Variants in FHIT observed in about 807,000 individuals in gnomAD.
FHIT encodes fragile histidine triad diadenosine triphosphatase.
Under a neutral mutation model 17.9 loss-of-function variants are expected in FHIT, and 19 were observed. The ratio of observed to expected loss-of-function variants is 1.06; its 90% CI spans 0.74 to 1.56. FHIT has a LOEUF of 1.56. FHIT is among the 40% of genes most tolerant of loss of function. The probability of loss-of-function intolerance (pLI) is 0.00; values close to 1 mark genes in which losing one functional copy is unlikely to be tolerated. For synonymous variants in FHIT, 81 were observed against 69.7 expected, an observed-to-expected ratio of 1.16 and a Z score of -0.81; for missense variants, 248 against 189.2, an observed-to-expected ratio of 1.31 and a Z score of -1.82.
intron 5 of FHIT, among the ~76,000 whole-genome samples, chr3:60,054,634 C>A (rs188381230): frequency 6.6e-6 from 1 of 152,220 alleles, no homozygotes; most frequent in Admixed American, 6.5e-5. Context: ...AACACTTCTG[C>A]CTGATCTGCT....
intron 8 of FHIT, among the ~76,000 whole-genome samples, chr3:59,890,399 GA>G (rs1422114245): frequency 2.0e-5 from 3 of 152,134 alleles, no homozygotes; most frequent in Admixed American, 1.3e-4. Flanking sequence ...CACTGGAAAA[GA>G]AAAGGGCTGC....
At chr3:61,000,866 T>C (rs1272556188) in intron 3 of FHIT, among the ~76,000 whole-genome samples, 1 of 152,072 alleles carries the variant, frequency 6.6e-6, no homozygotes. Flanking sequence ...ACTCTACCAC[T>C]AGGGCAGCGA....
intron 5 of FHIT, among the ~76,000 whole-genome samples, chr3:60,270,621 A>ACCC (rs1706813515): frequency 6.6e-6 from 1 of 152,214 alleles, no homozygotes; most frequent in African/African-American, 2.4e-5. Context: ...CCCCTATTAA[A>ACCC]AGCCAAATGG....
rs142413930 is a variant in FHIT, at chr3:60,895,889, C to G, written c.-110-73878G>C. Among the ~76,000 whole-genome samples, 22 of 151,574 alleles carry G rather than the reference C, an allele frequency of 1.5e-4. No homozygotes were observed. The East Asian group carries it at 4.1e-3, about 28-fold the overall frequency. On this transcript the variant is annotated intron_variant, in intron 3 of 9. Coordinates refer to ENST00000492590, the MANE Select transcript of FHIT (RefSeq NM_002012.4). ...CCAGGCTTTTCTTGTCCTTTCCCTG[C>G]TCTGAAACTGCAATTAGTCATTGCT...
chr3:59,758,846 G>A (rs1056447510), intron 8 of FHIT, among the ~76,000 whole-genome samples: 26 of 152,124 alleles, frequency 1.7e-4, no homozygotes, highest in African/African-American at 6.3e-4. Context: ...TACAACTGAG[G>A]TGGGAAAGGG....
chr3:60,094,994 A>AT (rs1703883089), intron 5 of FHIT, among the ~76,000 whole-genome samples: 1 of 152,204 alleles, frequency 6.6e-6, no homozygotes, highest in Non-Finnish European at 1.5e-5. Flanking sequence ...GCAGGGAATT[A>AT]TTTTTTAATA....
rs1314318254 is a variant in FHIT at position 60,821,433 on chromosome 3, C to T, written c.-18+486G>A. Among the ~76,000 whole-genome samples the T allele has an allele frequency of 3.3e-5, 5 of 152,330 alleles. No homozygotes were observed. In the East Asian group the frequency reaches 9.7e-4, roughly 29 times the overall value. ...TCTGACCATGAACAGTACCATGCCACTGAAGGAGATCTGTTTCAACAGAGC... is the reference window on the plus strand; with the variant it reads ...TCTGACCATGAACAGTACCATGCCATTGAAGGAGATCTGTTTCAACAGAGC... On this transcript the variant is annotated intron_variant, in intron 4 of 9. Coordinates refer to ENST00000492590, the MANE Select transcript of FHIT (RefSeq NM_002012.4).
intron 5 of FHIT, among the ~76,000 whole-genome samples, chr3:60,240,759 T>C (rs1413897207): frequency 6.6e-6 from 1 of 152,138 alleles, no homozygotes; most frequent in Non-Finnish European, 1.5e-5. Context: ...CCTCAACAGC[T>C]GGCAGATAGC....
At chr3:60,889,809 T>A (rs1705419880) in intron 3 of FHIT, among the ~76,000 whole-genome samples, 2 of 152,196 alleles carry the variant, frequency 1.3e-5, no homozygotes, top group African/African-American at 4.8e-5. Context: ...TGGGTTAATA[T>A]GATTCAATTT....
At chr3:60,929,172 T>C (rs529988142) in intron 3 of FHIT, among the ~76,000 whole-genome samples, 1 of 152,324 alleles carries the variant, frequency 6.6e-6, no homozygotes, top group East Asian at 1.9e-4. Flanking sequence ...CCCTTCATGC[T>C]AAAAACTCTC....
intron 5 of FHIT, among the ~76,000 whole-genome samples, chr3:60,215,283 A>T (rs779175445): frequency 6.6e-6 from 1 of 152,148 alleles, no homozygotes; most frequent in African/African-American, 2.4e-5. Context: ...TGAGGTCAGG[A>T]CTTCGAGACC....
At chr3:60,346,396 C>G (rs955422997) in intron 5 of FHIT, among the ~76,000 whole-genome samples, 2 of 152,160 alleles carry the variant, frequency 1.3e-5, no homozygotes, top group African/African-American at 2.4e-5. Flanking sequence ...AATGACAGCT[C>G]TTGTCAACTG....
chr3:60,800,528 G>T (rs1219714808), intron 4 of FHIT, among the ~76,000 whole-genome samples: 3 of 152,152 alleles, frequency 2.0e-5, no homozygotes, highest in Non-Finnish European at 4.4e-5. Context: ...TTTGGGAAAA[G>T]AACCCTAGAT....
At chr3:60,425,850 A>G (rs1702643506) in intron 5 of FHIT, among the ~76,000 whole-genome samples, 1 of 152,092 alleles carries the variant, frequency 6.6e-6, no homozygotes, top group South Asian at 2.1e-4. Context: ...AATCAAATCA[A>G]TATATATTTA....
intron 1 of FHIT, among the ~76,000 whole-genome samples, chr3:61,214,775 C>T (rs1448822227): frequency 3.3e-5 from 5 of 152,242 alleles, no homozygotes; most frequent in South Asian, 4.2e-4. Flanking sequence ...ACTGGCAAAC[C>T]GAATCCAGCA....
intron 3 of FHIT, among the ~76,000 whole-genome samples, chr3:61,032,079 G>A (rs751107438): frequency 1.2e-4 from 18 of 152,176 alleles, no homozygotes; most frequent in East Asian, 3.9e-4. Context: ...TATTACCAAC[G>A]TCAGTGATTG....
Position 60,458,052 on chromosome 3 carries a change from A to T in FHIT, c.103+78808T>A, listed in dbSNP as rs567270947. ...GTTCCTCAGGGATCCAGAACTAGAA[A>T]TACCATTTGACCCAGCCATCCCATT... On this transcript the variant is annotated intron_variant, in intron 5 of 9. Transcript: ENST00000492590. Among the ~76,000 whole-genome samples, 727 of 152,298 alleles carry T rather than the reference A, an allele frequency of 4.8e-3. 7 individuals are homozygous for T. Among genetic ancestry groups the T allele is most frequent in the African/African-American group, 0.017 (696 of 41,574 alleles).
chr3:60,013,673 T>G (rs1189298316), intron 6 of FHIT, among the ~76,000 whole-genome samples: 1 of 152,158 alleles, frequency 6.6e-6, no homozygotes, highest in Non-Finnish European at 1.5e-5. Context: ...GTCTATGCAG[T>G]GCTCAAAAAT....
At chr3:60,451,149 T>C (rs531923947) in intron 5 of FHIT, among the ~76,000 whole-genome samples, 29 of 144,130 alleles carry the variant, frequency 2.0e-4, no homozygotes, top group African/African-American at 7.3e-4. Flanking sequence ...CTTGAAAAAA[T>C]ATTTTTACTT....
Sources: gnomAD v4.1 joint callset for allele counts (sites outside exome capture counted in the v4.1 genomes callset) on GRCh38, gnomAD v4.1.1 for gene constraint, MANE v1.5 for transcripts, NCBI Gene and HGNC (gene_info 2026-07-23, HGNC 2026-07-21) for gene names.